Variants in TMEM221 observed in about 807,000 individuals in gnomAD.
The protein encoded by TMEM221 is transmembrane protein 221, also known as Putative transmembrane protein ENSP00000342162.
Under a neutral mutation model 10.2 loss-of-function variants are expected in TMEM221, and 11 were observed. That is an observed-to-expected ratio of 1.08 (90% confidence interval 0.68 to 1.79). The LOEUF is 1.79. TMEM221 is among the 40% of genes most tolerant of loss of function. The pLI is 0.00. For synonymous variants in TMEM221, 172 were observed against 199.8 expected (o/e 0.86, Z 1.18); for missense variants, 382 against 417.7 (o/e 0.91, Z 0.75).
intron 2 of TMEM221, 154 bp downstream of exon 2, chr19:17,445,045 G>A: frequency 1.6e-6 from 1 of 615,626 alleles, no homozygotes; most frequent in Non-Finnish European, 2.9e-6. Flanking sequence ...TCAAGGCACA[G>A]AGAGACTTTG....
chr19:17,442,442 C>CTTTT (rs35930067), intron 2 of TMEM221, among the ~76,000 whole-genome samples: 1 of 137,550 alleles, frequency 7.3e-6, no homozygotes, highest in Non-Finnish European at 1.6e-5. Context: ...TCTTTTCTTT[C>CTTTT]TTTTTTTTTT....
intron 2 of TMEM221, among the ~76,000 whole-genome samples, chr19:17,442,442 CTTT>C (rs35930067): frequency 8.0e-5 from 11 of 137,532 alleles, no homozygotes; most frequent in Non-Finnish European, 9.3e-5. Context: ...TCTTTTCTTT[CTTT>C]TTTTTTTTTT....
Position 17,436,899 on chromosome 19 carries a change from G to C in TMEM221, c.435C>G (p.Phe145Leu). The change falls in exon 3 of 3, where the codon TTC becomes TTG. Residue 145 changes from phenylalanine to leucine, a missense_variant. Coordinates refer to ENST00000341130, the MANE Select transcript of TMEM221 (RefSeq NM_001190844.2). ...AALSIYALLL[F>L]EIETGAAAAS... is the part of the protein sequence containing the mutation. ...CAGCTGCTGCGCCTGTCTCGATCTC[G>C]AAAAGTAGCAAGGCATAGATGGACA... 2.1e-6 allele frequency: 3 copies of C among 1,405,462 alleles called. No homozygotes were observed. The highest frequency in any genetic ancestry group is 2.8e-6 in the Non-Finnish European group (3 of 1,079,736). 87.1% of individuals were successfully genotyped at this position (1,405,462 alleles called of 1,614,324 possible). A position where few individuals can be genotyped will look rare whatever the true frequency, so the allele number is the denominator to read the frequency against.
chr19:17,444,900 C>A (rs73018485), intron 2 of TMEM221: 49,624 of 159,186 alleles, frequency 0.31, 8,170 homozygotes, highest in South Asian at 0.38. Flanking sequence ...CTACCTCAGT[C>A]TCCCATATTG....
chr19:17,436,772 G>T lies in TMEM221; in HGVS notation c.562C>A (p.Pro188Thr). 1 of 1,521,008 alleles carries T rather than the reference G, an allele frequency of 6.6e-7. No homozygotes were observed. The highest frequency in any genetic ancestry group is 8.8e-7 in the Non-Finnish European group (1 of 1,137,448). 94.2% of individuals were successfully genotyped at this position (1,521,008 alleles called of 1,614,324 possible). A position where few individuals can be genotyped will look rare whatever the true frequency, so the allele number is the denominator to read the frequency against. Residue 188 changes from proline (P) to threonine (T), a missense_variant, in exon 3 of 3, where the codon CCG becomes ACG. Transcript: ENST00000341130. Reference protein sequence around the residue: ...AARRGLHELSPPSFEDDLARP... With the variant: ...AARRGLHELSTPSFEDDLARP... ...GCGAGGTCGTCTTCAAAGGATGGCG[G>T]GGACAACTCATGGAGCCCACGGCGG...
At chr19:17,447,459 C>T (rs576862475) in intron 1 of TMEM221, among the ~76,000 whole-genome samples, 1 of 152,274 alleles carries the variant, frequency 6.6e-6, no homozygotes, top group East Asian at 1.9e-4. Context: ...ACCCGTGGGA[C>T]CCATGCATTT....
intron 2 of TMEM221, among the ~76,000 whole-genome samples, chr19:17,441,753 G>A (rs1040573314): frequency 2.0e-4 from 30 of 151,624 alleles, no homozygotes; most frequent in African/African-American, 6.3e-4. Context: ...GTTTATACGC[G>A]TTCTCTGGCT....
chr19:17,436,931 G>T lies in TMEM221; in HGVS notation c.407-4C>A. On this transcript the variant is annotated splice_region_variant and splice_polypyrimidine_tract_variant and intron_variant, in intron 2 of 2. Coordinates refer to ENST00000341130, the MANE Select transcript of TMEM221 (RefSeq NM_001190844.2). ...AGCAAGGCATAGATGGACAGTGCTA[G>T]GGAAGGAAACGACTCTCATTTATTC... 2.1e-6 allele frequency: 3 copies of T among 1,406,276 alleles called. No homozygotes were observed. The highest frequency in any genetic ancestry group is 1.7e-5 in the South Asian group (1 of 59,038). The allele number at this position is 1,406,276 out of a possible 1,614,324, so 87.1% of individuals were successfully genotyped here.
intron 2 of TMEM221, among the ~76,000 whole-genome samples, chr19:17,438,686 C>A (rs1440943686): frequency 6.6e-6 from 1 of 150,694 alleles, no homozygotes; most frequent in East Asian, 2.0e-4. Flanking sequence ...CAACCTCTGC[C>A]TCTCGGGTTC....
At chr19:17,446,372 A>G (rs2074953348) in intron 1 of TMEM221, among the ~76,000 whole-genome samples, 1 of 152,158 alleles carries the variant, frequency 6.6e-6, no homozygotes, top group Non-Finnish European at 1.5e-5. Context: ...TTTACAGACT[A>G]CAAGCTTCTT....
chr19:17,436,539 G>A lies in TMEM221; in HGVS notation c.795C>T (p.His265=). ...GCATCTCGTGCGTAACCCCGTCCCA[G>A]TGCCCCAGGCCAGCCGACAGTGTCC... The part of the protein sequence containing the change: ...MHRTLSAGLG[H]WDGVTHEMRR... Residue 265 remains histidine (H), a synonymous_variant, in exon 3 of 3, where the codon CAC becomes CAT. Coordinates refer to ENST00000341130, the MANE Select transcript of TMEM221 (RefSeq NM_001190844.2). The A allele has an allele frequency of 6.5e-7, 1 of 1,536,010 alleles. No homozygotes were observed. The highest frequency in any genetic ancestry group is 8.7e-7 in the Non-Finnish European group (1 of 1,146,840).
chr19:17,442,506 C>T (rs1314539679), intron 2 of TMEM221, among the ~76,000 whole-genome samples: 1 of 148,658 alleles, frequency 6.7e-6, no homozygotes, highest in East Asian at 2.0e-4. Context: ...GTGGCATGAT[C>T]TTGGCTCAGT....
chr19:17,448,380 G>T lies in TMEM221; in HGVS notation c.83C>A (p.Ala28Glu). 1.4e-6 allele frequency: 2 copies of T among 1,436,982 alleles called. No homozygotes were observed. Among genetic ancestry groups the T allele is most frequent in the African/African-American group, 1.5e-5 (1 of 67,424 alleles). The allele number at this position is 1,436,982 out of a possible 1,614,324, so 89.0% of individuals were successfully genotyped here. A position where few individuals can be genotyped will look rare whatever the true frequency, so the allele number is the denominator to read the frequency against. The change falls in exon 1 of 3, where the codon GCG (alanine) becomes GAG (glutamate). Residue 28 changes from alanine to glutamate, a missense_variant. Transcript: ENST00000341130. This position sits in a 1 kb window ranked among gnomAD's most constrained non-coding sequence, Gnocchi z 4.7. ...CGCCTGCAGCTGAAACAGCAGCTGC[G>T]CGCCCAGCGCCGCCAGCACGGCCGC... ...IAAAVLAALG[A>E]QLLFQLQAGR... is the part of the protein sequence containing the mutation.
intron 1 of TMEM221, among the ~76,000 whole-genome samples, chr19:17,445,812 A>C (rs2144505463): frequency 6.6e-6 from 1 of 151,636 alleles, no homozygotes; most frequent in South Asian, 2.1e-4. Flanking sequence ...CAAACCAGTC[A>C]TCCATCCACT....
intron 2 of TMEM221, among the ~76,000 whole-genome samples, chr19:17,440,567 A>G (rs1441192224): frequency 6.6e-6 from 1 of 152,082 alleles, no homozygotes; most frequent in East Asian, 1.9e-4. Context: ...GCCACAGTGA[A>G]ACTGCAACTT....
chr19:17,447,066 A>G (rs1221957541), intron 1 of TMEM221, among the ~76,000 whole-genome samples: 1 of 151,904 alleles, frequency 6.6e-6, no homozygotes, highest in Non-Finnish European at 1.5e-5. Context: ...TACTAAAAAT[A>G]CAAAAATTAG....
At position 17,448,035 on chromosome 19, in the gene TMEM221, G is replaced by C. The variant is rs1568399680; in HGVS notation, c.320+108C>G. 1 of 892,552 alleles carries C rather than the reference G, an allele frequency of 1.1e-6. No individual in the cohort carries two copies. The allele number at this position is 892,552 out of a possible 1,614,324, so 55.3% of individuals were successfully genotyped here. ...ATGGAGTGGTGGGGAGAGGGAAGTGGGGAGGGAAGCTGTCCCCCCAGCCTG... is the reference window on the plus strand; with the variant it reads ...ATGGAGTGGTGGGGAGAGGGAAGTGCGGAGGGAAGCTGTCCCCCCAGCCTG... On this transcript the variant is annotated intron_variant, in intron 1 of 2. Coordinates refer to ENST00000341130, the MANE Select transcript of TMEM221 (RefSeq NM_001190844.2). The surrounding 1 kb of genome is among the most constrained non-coding windows in gnomAD (Gnocchi z 4.7).
chr19:17,447,663 C>T (rs1469102490), intron 1 of TMEM221, among the ~76,000 whole-genome samples: 1 of 152,192 alleles, frequency 6.6e-6, no homozygotes, highest in African/African-American at 2.4e-5. Context: ...ACAACCACTG[C>T]CCCTGATAGG....
intron 2 of TMEM221, among the ~76,000 whole-genome samples, chr19:17,442,037 T>G (rs1373114910): frequency 6.6e-6 from 1 of 152,106 alleles, no homozygotes. Flanking sequence ...ACCTTTTTTT[T>G]CCTTTTGTAA....
Sources: allele counts gnomAD v4.1 joint callset (sites outside exome capture counted in the v4.1 genomes callset), GRCh38; gene constraint gnomAD v4.1.1; non-coding constraint Gnocchi (gnomAD v3.1); transcripts MANE v1.5; gene names NCBI Gene and HGNC (gene_info 2026-07-23, HGNC 2026-07-21).